The following HPRT1 variants were observed in gnomAD, a reference collection of about 807,000 sequenced individuals.
HPRT1 encodes the protein hypoxanthine-guanine phosphoribosyltransferase.
A neutral mutation model predicts 19.0 loss-of-function variants in HPRT1; 4 were observed. The ratio of observed to expected loss-of-function variants is 0.21; its 90% confidence interval spans 0.10 to 0.48. The LOEUF (loss-of-function observed/expected upper bound fraction) is 0.48, where lower values mean the gene tolerates loss of function less well. HPRT1 is among the 20% of genes least tolerant of loss of function. The pLI is 0.98. For synonymous variants in HPRT1, 53 were observed against 54.9 expected, an observed-to-expected ratio of 0.97 and a Z score of 0.15; for missense variants, 65 against 164.0, an observed-to-expected ratio of 0.40 and a Z score of 3.30.
chrX:134,498,769 C>A (rs764117649), intron 8 of HPRT1, 85 bp downstream of exon 8: 1 of 640,426 alleles, frequency 1.6e-6, no homozygotes, highest in East Asian at 3.3e-5. Flanking sequence ...CTTCCAGCAC[C>A]TCATAATTTG....
At chrX:134,495,318 T>C (rs1204543821) in intron 6 of HPRT1, among the ~76,000 whole-genome samples, 1 of 111,412 alleles carries the variant, frequency 9.0e-6, no homozygotes, top group Admixed American at 9.7e-5. Context: ...CTTGGGAGTT[T>C]AGTCTCGCAT....
At chrX:134,479,911 A>AT (rs1178030346) in intron 3 of HPRT1, among the ~76,000 whole-genome samples, 1 of 110,690 alleles carries the variant, frequency 9.0e-6, no homozygotes, top group African/African-American at 3.3e-5. Flanking sequence ...CAGTCTAGTG[A>AT]TTTTTTTATT....
Position 134,500,261 on chromosome X carries a change from C to T in HPRT1, c.*184C>T. 2.3e-6 allele frequency: 1 copy of T among 439,279 alleles called. No homozygotes were observed. The highest frequency in any genetic ancestry group is 4.0e-6 in the Non-Finnish European group (1 of 251,279). 36.2% of individuals were successfully genotyped at this position (439,279 alleles called of 1,213,427 possible). A position where few individuals can be genotyped will look rare whatever the true frequency, so the allele number is the denominator to read the frequency against. On this transcript the variant is annotated 3_prime_UTR_variant, in exon 9 of 9. Coordinates refer to ENST00000298556, the MANE Select transcript of HPRT1 (RefSeq NM_000194.3). ...TGCATTCCTAAACTGTTTATTTGCA[C>T]TATGAGCCTATAGACTATCAGTTCC...
chrX:134,499,333 G>A (rs977853454), intron 8 of HPRT1, among the ~76,000 whole-genome samples: 1 of 110,233 alleles, frequency 9.1e-6, no homozygotes, highest in East Asian at 2.8e-4. Context: ...ACAAAAATTA[G>A]CCAGGCGTAG....
intron 6 of HPRT1, 53 bp from the exon 7 acceptor site, chrX:134,498,337 G>A (rs1213423488): frequency 1.1e-5 from 10 of 949,571 alleles, no homozygotes; most frequent in Non-Finnish European, 1.5e-5. Flanking sequence ...CTTCTCTTTT[G>A]TAATGCCCTG....
intron 3 of HPRT1, among the ~76,000 whole-genome samples, chrX:134,478,803 T>G (rs2077632114): frequency 1.8e-5 from 2 of 111,895 alleles, no homozygotes; most frequent in Non-Finnish European, 3.8e-5. Context: ...AGTGCCTAGA[T>G]GGGAAATTGC....
At chrX:134,473,707 A>G (rs1295889422) in intron 2 of HPRT1, among the ~76,000 whole-genome samples, 1 of 111,906 alleles carries the variant, frequency 8.9e-6, no homozygotes, top group Non-Finnish European at 1.9e-5. Flanking sequence ...GGGAGATGGA[A>G]GAAGGAACTC....
intron 1 of HPRT1, among the ~76,000 whole-genome samples, chrX:134,469,412 A>G (rs2077605448): frequency 1.8e-5 from 2 of 111,541 alleles, no homozygotes; most frequent in Admixed American, 1.9e-4. Flanking sequence ...TAAGTATGGT[A>G]TGTAAATCTG....
At chrX:134,471,744 G>T (rs2077610973) in intron 1 of HPRT1, among the ~76,000 whole-genome samples, 2 of 111,059 alleles carry the variant, frequency 1.8e-5, no homozygotes, top group South Asian at 7.6e-4. Context: ...GGGCTCAGGT[G>T]ATCCTCCTGC....
Position 134,475,790 on chromosome X carries a change from CT to C in HPRT1, c.318+435del, listed in dbSNP as rs17879338. 1.2e-4 allele frequency among the ~76,000 whole-genome samples: 13 copies of C among 109,280 alleles called. No homozygotes were observed. In the East Asian group the frequency reaches 2.3e-3, roughly 19 times the overall value. The allele number at this position is 109,280 out of a possible 115,157, so 94.9% of individuals were successfully genotyped here. On this transcript the variant is annotated intron_variant, in intron 3 of 8. Coordinates refer to ENST00000298556, the MANE Select transcript of HPRT1 (RefSeq NM_000194.3). Reference sequence around the variant, plus strand: ...GTATTGGCGAATTGAAGAAATCCCCCTTTTTTTTTAACACACTTAAGAAAGG... The same window carrying C: ...GTATTGGCGAATTGAAGAAATCCCCCTTTTTTTTAACACACTTAAGAAAGG...
At chrX:134,478,194 C>T (rs1480037674) in intron 3 of HPRT1, among the ~76,000 whole-genome samples, 9 of 111,447 alleles carry the variant, frequency 8.1e-5, no homozygotes, top group Non-Finnish European at 1.5e-4. Flanking sequence ...CCGTACTAAT[C>T]CTAAAGAAAT....
intron 1 of HPRT1, 82 bp downstream of exon 1, chrX:134,460,420 A>C (rs2077579656): frequency 1.2e-6 from 1 of 834,475 alleles, no homozygotes; most frequent in African/African-American, 2.2e-5. Flanking sequence ...CGGGATCCGC[A>C]GTGCGGGCTC....
intron 6 of HPRT1, among the ~76,000 whole-genome samples, chrX:134,497,645 A>G (rs951187093): frequency 9.3e-6 from 1 of 107,742 alleles, no homozygotes; most frequent in African/African-American, 3.4e-5. Flanking sequence ...AAAAAAGAAA[A>G]GAAAAGAAAA....
intron 6 of HPRT1, among the ~76,000 whole-genome samples, chrX:134,495,333 C>G (rs1465578158): frequency 2.7e-5 from 3 of 111,477 alleles, no homozygotes; most frequent in South Asian, 3.8e-4. Flanking sequence ...TCGCATTTCA[C>G]TGCCACTTAA....
At chrX:134,472,884 G>A (rs755514485) in intron 1 of HPRT1, among the ~76,000 whole-genome samples, 4 of 107,203 alleles carry the variant, frequency 3.7e-5, no homozygotes, top group Non-Finnish European at 7.8e-5. Context: ...CTGTTTTTTT[G>A]TTTGTTTGTT....
Position 134,500,097 on chromosome X carries a change from T to A in HPRT1, c.*20T>A, listed in dbSNP as rs1474778765. ...GCCTAAGATGAGAGTTCAAGTTGAG[T>A]TTGGAAACATCTGGAGTCCTATTGA... On this transcript the variant is annotated 3_prime_UTR_variant, in exon 9 of 9. Transcript: ENST00000298556. 1 of 1,099,719 alleles carries A rather than the reference T, an allele frequency of 9.1e-7. No individual in the cohort carries two copies. The highest frequency in any genetic ancestry group is 1.3e-6 in the Non-Finnish European group (1 of 794,781). 90.6% of individuals were successfully genotyped at this position (1,099,719 alleles called of 1,213,427 possible). A position where few individuals can be genotyped will look rare whatever the true frequency, so the allele number is the denominator to read the frequency against.
Position 134,477,700 on chromosome X carries a change from G to A in HPRT1, c.318+2336G>A, listed in dbSNP as rs17880173. Among the ~76,000 whole-genome samples the A allele has an allele frequency of 5.2e-3, 577 of 111,357 alleles. 2 individuals are homozygous for A. Among genetic ancestry groups the A allele is most frequent in the African/African-American group, 0.018 (546 of 30,634 alleles). On this transcript the variant is annotated intron_variant, in intron 3 of 8. Coordinates refer to ENST00000298556, the MANE Select transcript of HPRT1 (RefSeq NM_000194.3). ...AGTAAAGTTTTTTTTTAAAGACAAG[G>A]TCTCATTCTGTCACCCAGGCTGGAA... is the stretch of plus-strand genomic sequence containing the variant.
At chrX:134,498,535 A>G in intron 7 of HPRT1, 73 bp from the exon 8 acceptor site, 1 of 975,057 alleles carries the variant, frequency 1.0e-6, no homozygotes, top group Non-Finnish European at 1.5e-6. Context: ...ATTTGTAGAG[A>G]GGCACATTTG....
intron 1 of HPRT1, among the ~76,000 whole-genome samples, chrX:134,470,918 A>G (rs1485066443): frequency 1.9e-5 from 2 of 107,831 alleles, no homozygotes; most frequent in Non-Finnish European, 1.9e-5. Flanking sequence ...AAAAAAAGAG[A>G]GAGAAAAAAA....
Sources: allele counts gnomAD v4.1 joint callset (sites outside exome capture counted in the v4.1 genomes callset), GRCh38; gene constraint gnomAD v4.1.1; transcripts MANE v1.5; gene names NCBI Gene and HGNC (gene_info 2026-07-23, HGNC 2026-07-21).